The following PLCXD3 variants were observed in gnomAD, a reference collection of about 807,000 sequenced individuals.
The protein encoded by PLCXD3 is phosphatidylinositol specific phospholipase C X domain containing 3.
A neutral mutation model predicts 25.5 loss-of-function variants in PLCXD3; 19 were observed. That is an observed-to-expected ratio of 0.75 (90% confidence interval 0.52 to 1.09). The LOEUF (loss-of-function observed/expected upper bound fraction) is 1.09, where lower values mean the gene tolerates loss of function less well. PLCXD3 is among the 50% of genes least tolerant of loss of function. The pLI is 0.00. For missense variants in PLCXD3, 411 were observed against 388.1 expected (o/e 1.06, Z -0.50); for synonymous variants, 174 against 137.6 (o/e 1.26, Z -1.85).
At chr5:41,500,891 A>G (rs1489856625) in intron 1 of PLCXD3, among the ~76,000 whole-genome samples, 4 of 151,996 alleles carry the variant, frequency 2.6e-5, no homozygotes, top group African/African-American at 9.7e-5. Flanking sequence ...TATTAAAACT[A>G]TACAAAGAAC....
At chr5:41,453,083 T>C (rs1359116932) in intron 1 of PLCXD3, among the ~76,000 whole-genome samples, 1 of 152,010 alleles carries the variant, frequency 6.6e-6, no homozygotes, top group South Asian at 2.1e-4. Flanking sequence ...ATAGTCACCA[T>C]GTTGTACAAT....
intron 1 of PLCXD3, among the ~76,000 whole-genome samples, chr5:41,424,793 A>G (rs540022707): frequency 4.8e-4 from 73 of 152,344 alleles, no homozygotes; most frequent in African/African-American, 1.8e-3. Flanking sequence ...CATGCAATCA[A>G]TATTTAAATA....
intron 2 of PLCXD3, among the ~76,000 whole-genome samples, chr5:41,346,243 C>T (rs1258426416): frequency 6.6e-6 from 1 of 152,166 alleles, no homozygotes; most frequent in African/African-American, 2.4e-5. Context: ...CATATACAAC[C>T]CTTACTCACC....
chr5:41,504,079 G>C (rs1312229168), intron 1 of PLCXD3, among the ~76,000 whole-genome samples: 1 of 151,886 alleles, frequency 6.6e-6, no homozygotes, highest in Non-Finnish European at 1.5e-5. Context: ...TCATACAATG[G>C]AGCCCTTAGG....
At chr5:41,327,946 C>G (rs930977767) in intron 2 of PLCXD3, among the ~76,000 whole-genome samples, 1 of 152,122 alleles carries the variant, frequency 6.6e-6, no homozygotes. Flanking sequence ...GCTGGGATTA[C>G]AGGCCTGAGC....
At chr5:41,445,837 T>C (rs1375459150) in intron 1 of PLCXD3, among the ~76,000 whole-genome samples, 1 of 151,944 alleles carries the variant, frequency 6.6e-6, no homozygotes, top group East Asian at 1.9e-4. Flanking sequence ...TAAATAATCA[T>C]GATAAGTAAT....
intron 1 of PLCXD3, among the ~76,000 whole-genome samples, chr5:41,420,703 G>T (rs896288599): frequency 6.6e-6 from 1 of 152,120 alleles, no homozygotes; most frequent in Non-Finnish European, 1.5e-5. Flanking sequence ...ATTTATCTTT[G>T]CATGGCAGGA....
chr5:41,406,737 C>T (rs1285015989), intron 1 of PLCXD3, among the ~76,000 whole-genome samples: 1 of 152,120 alleles, frequency 6.6e-6, no homozygotes, highest in Admixed American at 6.6e-5. Flanking sequence ...TGTAGCTTTC[C>T]CTTCATCTCA....
At chr5:41,348,239 T>C (rs915533686) in intron 2 of PLCXD3, among the ~76,000 whole-genome samples, 3 of 152,192 alleles carry the variant, frequency 2.0e-5, no homozygotes, top group African/African-American at 7.2e-5. Context: ...TATGATCTAA[T>C]AGACGTTCTA....
intron 1 of PLCXD3, among the ~76,000 whole-genome samples, chr5:41,439,092 A>G (rs921291380): frequency 6.6e-6 from 1 of 152,184 alleles, no homozygotes. Flanking sequence ...GATATTCCTG[A>G]TATTTCCATT....
chr5:41,434,515 C>T (rs935307515), intron 1 of PLCXD3, among the ~76,000 whole-genome samples: 1 of 152,162 alleles, frequency 6.6e-6, no homozygotes, highest in Non-Finnish European at 1.5e-5. Flanking sequence ...GTACTCACAC[C>T]CCCAGGTACT....
At chr5:41,444,843 T>A (rs1266132827) in intron 1 of PLCXD3, among the ~76,000 whole-genome samples, 3 of 152,196 alleles carry the variant, frequency 2.0e-5, no homozygotes, top group Non-Finnish European at 2.9e-5. Context: ...TGGTAGCATA[T>A]AGTAAGTTCT....
chr5:41,479,928 T>C (rs1362737120), intron 1 of PLCXD3, among the ~76,000 whole-genome samples: 1 of 152,208 alleles, frequency 6.6e-6, no homozygotes, highest in Non-Finnish European at 1.5e-5. Context: ...AATTATTAAA[T>C]GTTGGTTACA....
intron 1 of PLCXD3, among the ~76,000 whole-genome samples, chr5:41,478,601 A>G (rs1748330364): frequency 1.3e-5 from 2 of 152,220 alleles, no homozygotes; most frequent in African/African-American, 4.8e-5. Context: ...AGCCTCACTC[A>G]GAGACTATTT....
intron 2 of PLCXD3, among the ~76,000 whole-genome samples, chr5:41,354,553 TCA>T (rs1744564812): frequency 2.0e-5 from 3 of 152,148 alleles, no homozygotes; most frequent in African/African-American, 7.2e-5. Flanking sequence ...TGACCACACC[TCA>T]GTTTAGCCCA....
At chr5:41,476,090 G>A (rs956777151) in intron 1 of PLCXD3, among the ~76,000 whole-genome samples, 1 of 152,198 alleles carries the variant, frequency 6.6e-6, no homozygotes, top group African/African-American at 2.4e-5. Flanking sequence ...ATCCAGGCAA[G>A]TACTGAATGC....
At chr5:41,426,113 T>C (rs1746950115) in intron 1 of PLCXD3, among the ~76,000 whole-genome samples, 1 of 152,140 alleles carries the variant, frequency 6.6e-6, no homozygotes, top group African/African-American at 2.4e-5. Flanking sequence ...CTTCAATATT[T>C]GGTATTGTCA....
chr5:41,332,162 CA>C (rs1743835724), intron 2 of PLCXD3, among the ~76,000 whole-genome samples: 1 of 151,894 alleles, frequency 6.6e-6, no homozygotes, highest in African/African-American at 2.4e-5. Context: ...AGGCAACCTA[CA>C]AAATGGGAGA....
chr5:41,402,967 T>C (rs1746230632), intron 1 of PLCXD3, among the ~76,000 whole-genome samples: 1 of 152,160 alleles, frequency 6.6e-6, no homozygotes, highest in East Asian at 1.9e-4. Flanking sequence ...ATGTCTGCTT[T>C]TGAATTCAAT....
Sources: gnomAD v4.1 joint callset for allele counts (sites outside exome capture counted in the v4.1 genomes callset) on GRCh38, gnomAD v4.1.1 for gene constraint, MANE v1.5 for transcripts, NCBI Gene and HGNC (gene_info 2026-07-23, HGNC 2026-07-21) for gene names.